Variants in CTNNA3 observed in about 807,000 individuals in gnomAD.
The protein encoded by CTNNA3 is catenin alpha-3.
CTNNA3 carries 76 observed loss-of-function variants against 95.7 expected under a neutral mutation model. The ratio of observed to expected loss-of-function variants is 0.79; its 90% CI spans 0.66 to 0.96. The LOEUF (loss-of-function observed/expected upper bound fraction) is 0.96, where lower values mean the gene tolerates loss of function less well. CTNNA3 is among the 40% of genes least tolerant of loss of function. The pLI, the probability that CTNNA3 is intolerant of heterozygous loss-of-function variation, is 0.00. For missense variants in CTNNA3, 1,191 were observed against 1,089.8 expected, an observed-to-expected ratio of 1.09 and a Z score of -1.31; for synonymous variants, 431 against 374.4, an observed-to-expected ratio of 1.15 and a Z score of -1.74.
intron 7 of CTNNA3, among the ~76,000 whole-genome samples, chr10:67,000,019 T>TAGCTC (rs1851584623): frequency 6.6e-6 from 1 of 152,200 alleles, no homozygotes; most frequent in Admixed American, 6.5e-5. Flanking sequence ...ATTTATGGGA[T>TAGCTC]AGCTGTTTTT....
At chr10:67,752,634 G>A (rs765260485) in intron 1 of CTNNA3, among the ~76,000 whole-genome samples, 1 of 152,110 alleles carries the variant, frequency 6.6e-6, no homozygotes, top group Admixed American at 6.5e-5. Context: ...AAAGTCTCAG[G>A]ATACAAAATC....
intron 9 of CTNNA3, among the ~76,000 whole-genome samples, chr10:66,696,920 G>C (rs1847787229): frequency 6.6e-6 from 1 of 151,946 alleles, no homozygotes; most frequent in African/African-American, 2.4e-5. Flanking sequence ...TACTGTCTCT[G>C]AAGAAAGAAA....
chr10:67,683,707 A>C (rs7086305), intron 1 of CTNNA3, among the ~76,000 whole-genome samples: 68,041 of 151,826 alleles, frequency 0.45, 18,976 homozygotes, highest in African/African-American at 0.8. Context: ...AGCCACAGAC[A>C]CTCGTGGTGA....
intron 5 of CTNNA3, among the ~76,000 whole-genome samples, chr10:67,296,041 T>C (rs552124318): frequency 6.6e-6 from 1 of 152,276 alleles, no homozygotes; most frequent in African/African-American, 2.4e-5. Flanking sequence ...GTGATCAAAG[T>C]TAAATGTCTC....
At chr10:66,370,922 T>C (rs2092749680) in intron 12 of CTNNA3, among the ~76,000 whole-genome samples, 1 of 152,066 alleles carries the variant, frequency 6.6e-6, no homozygotes, top group Non-Finnish European at 1.5e-5. Context: ...TGGGTCTCAC[T>C]ATGTTGCCTA....
intron 7 of CTNNA3, among the ~76,000 whole-genome samples, chr10:67,047,521 G>A (rs1854829201): frequency 6.6e-6 from 1 of 152,130 alleles, no homozygotes; most frequent in Non-Finnish European, 1.5e-5. Context: ...AAAAGAGGCA[G>A]AAACATGTGT....
chr10:66,241,894 T>C (rs1478088164), intron 13 of CTNNA3, among the ~76,000 whole-genome samples: 3 of 152,172 alleles, frequency 2.0e-5, no homozygotes, highest in East Asian at 3.9e-4. Flanking sequence ...ACCATTCCAC[T>C]CCTAAAACAA....
intron 7 of CTNNA3, among the ~76,000 whole-genome samples, chr10:66,847,742 T>C (rs1843333766): frequency 1.3e-5 from 2 of 152,168 alleles, no homozygotes; most frequent in South Asian, 2.1e-4. Flanking sequence ...TCAGTACATA[T>C]GTCCTGCATG....
In CTNNA3 at chr10:66,594,992, C is replaced by A. The variant is rs574238238; in HGVS notation, c.1374+26700G>T. ...CTACATGCATGTTAGCAATTATTATCCACAATTATCTCGTTTGAGTGATAT... is the reference window on the plus strand; with the variant it reads ...CTACATGCATGTTAGCAATTATTATACACAATTATCTCGTTTGAGTGATAT... On this transcript the variant is annotated intron_variant, in intron 10 of 17. Coordinates refer to ENST00000433211, the MANE Select transcript of CTNNA3 (RefSeq NM_013266.4). Among the ~76,000 whole-genome samples the A allele has an allele frequency of 4.6e-5, 7 of 152,166 alleles. No homozygotes were observed. In the East Asian group the frequency reaches 1.4e-3, roughly 29 times the overall value.
intron 5 of CTNNA3, among the ~76,000 whole-genome samples, chr10:67,242,583 T>C (rs770758289): frequency 1.3e-5 from 2 of 152,186 alleles, no homozygotes; most frequent in Non-Finnish European, 2.9e-5. Flanking sequence ...TCAGATCCAA[T>C]TGACCAAACC....
At chr10:65,930,340 C>G (rs1173209510) in intron 17 of CTNNA3, among the ~76,000 whole-genome samples, 2 of 151,924 alleles carry the variant, frequency 1.3e-5, no homozygotes, top group Non-Finnish European at 2.9e-5. Flanking sequence ...ACCATCAGCC[C>G]AAGTTGTTAC....
At chr10:67,104,026 C>G (rs909150705) in intron 7 of CTNNA3, among the ~76,000 whole-genome samples, 7 of 151,538 alleles carry the variant, frequency 4.6e-5, no homozygotes, top group African/African-American at 1.7e-4. Flanking sequence ...ATTTTTATTT[C>G]CAATCATCTT....
intron 7 of CTNNA3, among the ~76,000 whole-genome samples, chr10:66,965,392 G>A (rs771833182): frequency 5.9e-5 from 9 of 151,742 alleles, no homozygotes; most frequent in Non-Finnish European, 7.4e-5. Context: ...AAAATTAGCC[G>A]GGTGTGGTGG....
chr10:66,847,467 A>G (rs1843322823), intron 7 of CTNNA3, among the ~76,000 whole-genome samples: 1 of 152,228 alleles, frequency 6.6e-6, no homozygotes, highest in Non-Finnish European at 1.5e-5. Flanking sequence ...TGCTAAAAGT[A>G]TAGCCTTTGT....
At chr10:67,608,959 G>A (rs560825775) in intron 2 of CTNNA3, among the ~76,000 whole-genome samples, 41 of 151,870 alleles carry the variant, frequency 2.7e-4, no homozygotes, top group Middle Eastern at 3.4e-3. Flanking sequence ...GCATGGTGGC[G>A]CATGCCTATA....
At chr10:66,035,040 CATTTTT>C (rs1485243284) in intron 15 of CTNNA3, among the ~76,000 whole-genome samples, 2 of 152,078 alleles carry the variant, frequency 1.3e-5, no homozygotes, top group Admixed American at 6.6e-5. Context: ...TTGGGGCATT[CATTTTT>C]ATGTTTGAAT....
intron 15 of CTNNA3, among the ~76,000 whole-genome samples, chr10:66,001,356 G>T (rs987458599): frequency 3.9e-5 from 6 of 151,964 alleles, no homozygotes; most frequent in Non-Finnish European, 5.9e-5. Flanking sequence ...GCACTTTGAT[G>T]TTTTCTTTTT....
intron 5 of CTNNA3, among the ~76,000 whole-genome samples, chr10:67,347,887 T>C (rs1223143746): frequency 6.6e-6 from 1 of 150,402 alleles, no homozygotes; most frequent in Non-Finnish European, 1.5e-5. Flanking sequence ...TCTTCCACAT[T>C]CTGTGGCATT....
chr10:66,706,827 C>T (rs1157830497), intron 9 of CTNNA3, among the ~76,000 whole-genome samples: 1 of 151,756 alleles, frequency 6.6e-6, no homozygotes, highest in Non-Finnish European at 1.5e-5. Context: ...AATGTCTACA[C>T]CATAAGGAAA....
Sources: allele counts gnomAD v4.1 joint callset (sites outside exome capture counted in the v4.1 genomes callset), GRCh38; gene constraint gnomAD v4.1.1; transcripts MANE v1.5; gene names NCBI Gene and HGNC (gene_info 2026-07-23, HGNC 2026-07-21).